SPOP: variants seen among roughly 807,000 people sequenced by gnomAD.
SPOP encodes the protein speckle-type POZ protein.
In SPOP, 11 loss-of-function variants were observed where a neutral mutation model predicts 45.6. The observed-to-expected ratio is 0.24, with a 90% CI of 0.15 to 0.40. The LOEUF (loss-of-function observed/expected upper bound fraction) is 0.40, where lower values mean the gene tolerates loss of function less well. Among genes scored for constraint, SPOP ranks in the 10% least tolerant of loss-of-function variants. The pLI is 1.00. For missense variants in SPOP, 152 were observed against 465.6 expected (o/e 0.33, Z 6.20); for synonymous variants, 166 against 166.3 (o/e 1.00, Z 0.01).
intron 6 of SPOP, among the ~76,000 whole-genome samples, chr17:49,608,661 C>G (rs1286411839): frequency 6.6e-6 from 1 of 152,252 alleles, no homozygotes; most frequent in East Asian, 1.9e-4. Context: ...CATGCTCATT[C>G]TAGTCCAATG....
At chr17:49,604,793 T>C (rs918643500) in intron 8 of SPOP, among the ~76,000 whole-genome samples, 1 of 152,198 alleles carries the variant, frequency 6.6e-6, no homozygotes, top group Non-Finnish European at 1.5e-5. Context: ...GGGCAGACCA[T>C]TGAGTTCTCT....
chr17:49,636,511 T>G (rs1375497605), intron 1 of SPOP, among the ~76,000 whole-genome samples: 1 of 152,220 alleles, frequency 6.6e-6, no homozygotes, highest in Non-Finnish European at 1.5e-5. Context: ...TAAAACTTTT[T>G]TTGAAGACAC....
chr17:49,622,782 G>T lies in SPOP; in HGVS notation c.29C>A (p.Pro10Gln). Residue 10 changes from proline (P) to glutamine (Q), a missense_variant, in exon 2 of 10, where the codon CCG (proline) becomes CAG (glutamine). Pro to Gln is a moderately conservative substitution (Grantham distance 76). Transcript: ENST00000504102. MSRVPSPPPPAEMSSGPVAE... is the reference protein window; with the variant it reads MSRVPSPPPQAEMSSGPVAE... ...TACGGGGCCACTCGACATTTCTGCC[G>T]GAGGTGGAGGACTTGGAACCCTTGA... is the stretch of plus-strand genomic sequence containing the variant. The T allele has an allele frequency of 6.2e-7, 1 of 1,614,144 alleles. No homozygotes were observed. The highest frequency in any genetic ancestry group is 2.2e-5 in the East Asian group (1 of 44,870).
intron 1 of SPOP, among the ~76,000 whole-genome samples, chr17:49,654,453 T>G (rs2072881278): frequency 6.6e-6 from 1 of 152,226 alleles, no homozygotes; most frequent in African/African-American, 2.4e-5. Context: ...GAATAAGTAA[T>G]TATTAAATTA....
At chr17:49,629,290 A>G (rs571165221) in intron 1 of SPOP, among the ~76,000 whole-genome samples, 4 of 152,292 alleles carry the variant, frequency 2.6e-5, no homozygotes, top group Admixed American at 1.3e-4. Context: ...ATCCAGTTGC[A>G]TTCAAGTTCA....
chr17:49,657,372 G>T (rs2072927066), intron 1 of SPOP, among the ~76,000 whole-genome samples: 1 of 152,010 alleles, frequency 6.6e-6, no homozygotes, highest in Admixed American at 6.6e-5. Context: ...GATGTATAAA[G>T]ATTTATGTAC....
intron 1 of SPOP, among the ~76,000 whole-genome samples, chr17:49,627,378 C>T (rs2072355959): frequency 6.6e-6 from 1 of 152,180 alleles, no homozygotes. Flanking sequence ...TTTTATTTTT[C>T]CATTAACAAG....
intron 1 of SPOP, among the ~76,000 whole-genome samples, chr17:49,644,152 G>A (rs1253086222): frequency 6.6e-6 from 1 of 152,090 alleles, no homozygotes; most frequent in African/African-American, 2.4e-5. Context: ...GATCACATGA[G>A]CTCAGGAGTT....
intron 1 of SPOP, among the ~76,000 whole-genome samples, chr17:49,627,889 C>T (rs1218466723): frequency 1.3e-5 from 2 of 152,162 alleles, no homozygotes; most frequent in African/African-American, 4.8e-5. Flanking sequence ...CTCTGAGGAG[C>T]TCTTAACCAA....
chr17:49,608,520 G>A (rs1360217556), intron 6 of SPOP, among the ~76,000 whole-genome samples: 1 of 152,172 alleles, frequency 6.6e-6, no homozygotes. Flanking sequence ...TCCCTTTAAA[G>A]CACAACCCTA....
intron 1 of SPOP, among the ~76,000 whole-genome samples, chr17:49,659,235 G>A (rs887409839): frequency 4.6e-5 from 7 of 152,072 alleles, no homozygotes; most frequent in East Asian, 1.9e-4. Flanking sequence ...TTCAATGTAC[G>A]AAAATCTATT....
rs2143275967 is a variant in SPOP at position 49,619,432 on chromosome 17, G to C, written c.201-47C>G. ...AAAAAATGTCAAAAGCATCCATTTT[G>C]ATAGAACTGGAAATCAGACTCAAGA... On this transcript the variant is annotated intron_variant, in intron 3 of 9. Coordinates refer to ENST00000504102, the MANE Select transcript of SPOP (RefSeq NM_001007228.2). The surrounding 1 kb of genome is among the most constrained non-coding windows in gnomAD (Gnocchi z 4.9). 2.6e-6 allele frequency: 4 copies of C among 1,565,748 alleles called. No individual in the cohort carries two copies. Among genetic ancestry groups the C allele is most frequent in the Non-Finnish European group, 3.5e-6 (4 of 1,157,468 alleles).
At chr17:49,614,851 C>A (rs1476976771) in intron 5 of SPOP, among the ~76,000 whole-genome samples, 3 of 136,566 alleles carry the variant, frequency 2.2e-5, no homozygotes, top group East Asian at 2.2e-4. Context: ...GTGTATAAAA[C>A]TATTAGTTTA....
At chr17:49,666,327 C>G (rs2073057422) in intron 1 of SPOP, among the ~76,000 whole-genome samples, 1 of 151,644 alleles carries the variant, frequency 6.6e-6, no homozygotes, top group Non-Finnish European at 1.5e-5. Context: ...CAGGAAACAT[C>G]GAAATAAACT....
chr17:49,645,640 T>C (rs1002089120), intron 1 of SPOP, among the ~76,000 whole-genome samples: 2 of 152,146 alleles, frequency 1.3e-5, no homozygotes, highest in Non-Finnish European at 2.9e-5. Flanking sequence ...TAATCTGACA[T>C]ATCTTCATAA....
At position 49,619,158 on chromosome 17, in the gene SPOP, T is replaced by C. The variant is rs762255979; in HGVS notation, c.353-50A>G. The C allele has an allele frequency of 6.2e-7, 1 of 1,613,454 alleles. No individual in the cohort carries two copies. On this transcript the variant is annotated intron_variant, in intron 4 of 9. Coordinates refer to ENST00000504102, the MANE Select transcript of SPOP (RefSeq NM_001007228.2). The surrounding 1 kb of genome is among the most constrained non-coding windows in gnomAD (Gnocchi z 4.9). ...TATTTAAGGTTACGCAAAAACCAGA[T>C]CAAAGCCACAACTTGTCAGTGTATG... is the stretch of plus-strand genomic sequence containing the variant.
chr17:49,618,205 A>G (rs1045928890), intron 5 of SPOP, among the ~76,000 whole-genome samples: 1 of 152,212 alleles, frequency 6.6e-6, no homozygotes, highest in East Asian at 1.9e-4. Flanking sequence ...TGCAGGGAAC[A>G]CTAATGCCCC....
chr17:49,661,847 C>G (rs1238663688), intron 1 of SPOP, among the ~76,000 whole-genome samples: 1 of 151,984 alleles, frequency 6.6e-6, no homozygotes, highest in East Asian at 1.9e-4. Flanking sequence ...AACCCCGCCT[C>G]TACTAAAAGT....
intron 1 of SPOP, among the ~76,000 whole-genome samples, chr17:49,674,461 A>C (rs2073175404): frequency 6.6e-6 from 1 of 152,228 alleles, no homozygotes; most frequent in African/African-American, 2.4e-5. Context: ...CCAGAAAGTT[A>C]TCCATTTCTT....
Sources: allele counts gnomAD v4.1 joint callset (sites outside exome capture counted in the v4.1 genomes callset), GRCh38; gene constraint gnomAD v4.1.1; non-coding constraint Gnocchi (gnomAD v3.1); transcripts MANE v1.5; gene names NCBI Gene and HGNC (gene_info 2026-07-23, HGNC 2026-07-21).